The following SGCZ variants were observed in gnomAD, a reference collection of about 807,000 sequenced individuals.
The protein encoded by SGCZ is sarcoglycan zeta, also known as zeta-sarcoglycan.
A neutral mutation model predicts 41.3 loss-of-function variants in SGCZ; 40 were observed. That is an observed-to-expected ratio of 0.97 (90% CI 0.75 to 1.26). SGCZ has a LOEUF of 1.26. SGCZ is among the 50% of genes most tolerant of loss of function. The pLI is 0.00. For missense variants in SGCZ, 552 were observed against 369.8 expected (o/e 1.49, Z -4.04); for synonymous variants, 206 against 137.5 (o/e 1.50, Z -3.49).
intron 1 of SGCZ, among the ~76,000 whole-genome samples, chr8:14,734,290 A>T (rs1395430048): frequency 6.6e-6 from 1 of 152,204 alleles, no homozygotes; most frequent in African/African-American, 2.4e-5. Flanking sequence ...AGAAAATAAG[A>T]TATCTACAAA....
intron 1 of SGCZ, among the ~76,000 whole-genome samples, chr8:14,722,933 C>T (rs544775602): frequency 2.3e-4 from 35 of 152,094 alleles, no homozygotes; most frequent in African/African-American, 7.2e-4. Context: ...ATTTAATCTC[C>T]GAAAAAATCT....
At chr8:14,407,627 G>A (rs186820399) in intron 2 of SGCZ, among the ~76,000 whole-genome samples, 21 of 152,110 alleles carry the variant, frequency 1.4e-4, no homozygotes, top group African/African-American at 4.8e-4. Context: ...ATTCATAACT[G>A]TTGTATGCTA....
At chr8:14,699,656 A>G (rs1228322213) in intron 1 of SGCZ, among the ~76,000 whole-genome samples, 1 of 151,976 alleles carries the variant, frequency 6.6e-6, no homozygotes, top group African/African-American at 2.4e-5. Flanking sequence ...CAGCAAAAGC[A>G]ACCATCAGGA....
intron 1 of SGCZ, among the ~76,000 whole-genome samples, chr8:14,836,423 T>G (rs1475867022): frequency 6.6e-6 from 1 of 152,180 alleles, no homozygotes; most frequent in Non-Finnish European, 1.5e-5. Flanking sequence ...ACATTTTATT[T>G]CCCTGTCCCA....
At chr8:14,979,825 T>C (rs1263551107) in intron 1 of SGCZ, among the ~76,000 whole-genome samples, 2 of 152,194 alleles carry the variant, frequency 1.3e-5, no homozygotes, top group South Asian at 4.1e-4. Flanking sequence ...ATGAAACAAG[T>C]GATTGAAAAT....
intron 3 of SGCZ, among the ~76,000 whole-genome samples, chr8:14,319,727 G>T (rs1255911490): frequency 1.3e-5 from 2 of 151,902 alleles, no homozygotes; most frequent in East Asian, 1.9e-4. Context: ...TAAATATTAT[G>T]AATTCTGACA....
At chr8:14,905,424 A>G (rs1280804709) in intron 1 of SGCZ, among the ~76,000 whole-genome samples, 1 of 152,120 alleles carries the variant, frequency 6.6e-6, no homozygotes, top group African/African-American at 2.4e-5. Context: ...GTCAGGTAGT[A>G]TAATACTAAG....
At chr8:14,344,680 T>C (rs1048286145) in intron 2 of SGCZ, among the ~76,000 whole-genome samples, 1 of 152,104 alleles carries the variant, frequency 6.6e-6, no homozygotes, top group Non-Finnish European at 1.5e-5. Context: ...AAAATGTAAG[T>C]AATGCACAGG....
At chr8:14,270,408 T>A (rs1800018197) in intron 3 of SGCZ, among the ~76,000 whole-genome samples, 1 of 152,134 alleles carries the variant, frequency 6.6e-6, no homozygotes, top group Non-Finnish European at 1.5e-5. Context: ...CAGCGTATTT[T>A]GAGAAATGTG....
At chr8:14,448,330 G>C (rs1261222421) in intron 2 of SGCZ, among the ~76,000 whole-genome samples, 2 of 152,146 alleles carry the variant, frequency 1.3e-5, no homozygotes, top group Admixed American at 1.3e-4. Flanking sequence ...GATATCAAGA[G>C]ATCAATTTAA....
intron 2 of SGCZ, among the ~76,000 whole-genome samples, chr8:14,393,918 C>T (rs948156891): frequency 2.6e-5 from 4 of 152,150 alleles, no homozygotes; most frequent in African/African-American, 9.7e-5. Flanking sequence ...CATAAATTAG[C>T]TTTCAAATTT....
chr8:14,837,792 A>G (rs74856410), intron 1 of SGCZ, among the ~76,000 whole-genome samples: 4,933 of 152,248 alleles, frequency 0.032, 184 homozygotes, highest in African/African-American at 0.091. Context: ...CATTTTGAGT[A>G]ATTATAGACA....
intron 1 of SGCZ, among the ~76,000 whole-genome samples, chr8:14,993,772 G>A (rs1326384664): frequency 6.6e-6 from 1 of 152,140 alleles, no homozygotes; most frequent in Non-Finnish European, 1.5e-5. Context: ...GAATAATAGG[G>A]ACAAGGTCAA....
chr8:14,547,990 T>C (rs912000449), intron 2 of SGCZ, among the ~76,000 whole-genome samples: 4 of 152,204 alleles, frequency 2.6e-5, no homozygotes, highest in Non-Finnish European at 4.4e-5. Flanking sequence ...ACATGGCAGA[T>C]AGGACCTTTG....
rs185173354 is a variant in SGCZ at position 14,853,236 on chromosome 8, G to C, written c.40-298310C>G. Among the ~76,000 whole-genome samples, 22 of 152,306 alleles carry C rather than the reference G, an allele frequency of 1.4e-4. 1 individual carries two copies. Among genetic ancestry groups the C allele is most frequent in the South Asian group, 1.0e-3 (5 of 4,822 alleles). On this transcript the variant is annotated intron_variant, in intron 1 of 7. Coordinates refer to ENST00000382080, the MANE Select transcript of SGCZ (RefSeq NM_139167.4). ...TATAAAAATGTTAAAGAGTGGGGAA[G>C]AGGAGGTAATGATCAAAATGCTCAT...
intron 1 of SGCZ, among the ~76,000 whole-genome samples, chr8:15,115,924 T>C (rs1027348673): frequency 6.6e-6 from 1 of 152,216 alleles, no homozygotes; most frequent in Non-Finnish European, 1.5e-5. Context: ...AGCTGAAGCC[T>C]CTATAATAGT....
At chr8:14,692,535 C>T (rs1320487607) in intron 1 of SGCZ, among the ~76,000 whole-genome samples, 1 of 152,106 alleles carries the variant, frequency 6.6e-6, no homozygotes, top group Non-Finnish European at 1.5e-5. Context: ...TCTTGTTGTA[C>T]ACATTCAGTG....
chr8:14,551,551 AATATATATTATATATATAAT>A lies in SGCZ; in HGVS notation c.234+3161_234+3180del, dbSNP rs1563404710. 7.6e-3 allele frequency among the ~76,000 whole-genome samples: 196 copies of A among 25,862 alleles called. 10 individuals are homozygous for A. Among genetic ancestry groups the A allele is most frequent in the African/African-American group, 0.017 (98 of 5,692 alleles). 17.0% of individuals were successfully genotyped at this position (25,862 alleles called of 152,430 possible). A position where few individuals can be genotyped will look rare whatever the true frequency, so the allele number is the denominator to read the frequency against. Reference sequence around the variant, plus strand: ...TATATATAATATATATAATATATATAATATATATTATATATATAATATATATATAATATATATAATATATA... The same window carrying A: ...TATATATAATATATATAATATATATAATATATATAATATATATAATATATA... On this transcript the variant is annotated intron_variant, in intron 2 of 7. Transcript: ENST00000382080.
intron 4 of SGCZ, among the ~76,000 whole-genome samples, chr8:14,181,501 C>T (rs780538779): frequency 1.3e-4 from 20 of 152,292 alleles, no homozygotes; most frequent in African/African-American, 4.1e-4. Flanking sequence ...CTCTTAAAGG[C>T]GTTACCTGTT....
Sources: allele counts gnomAD v4.1 joint callset (sites outside exome capture counted in the v4.1 genomes callset), GRCh38; gene constraint gnomAD v4.1.1; transcripts MANE v1.5; gene names NCBI Gene and HGNC (gene_info 2026-07-23, HGNC 2026-07-21).